ETFA: variants seen among roughly 807,000 people sequenced by gnomAD.
ETFA encodes electron transfer flavoprotein subunit alpha, mitochondrial.
A neutral mutation model predicts 46.2 loss-of-function variants in ETFA; 22 were observed. That is an observed-to-expected ratio of 0.48 (90% CI 0.34 to 0.68). The LOEUF (loss-of-function observed/expected upper bound fraction) is 0.68, where lower values mean the gene tolerates loss of function less well. Among genes scored for constraint, ETFA ranks in the 30% least tolerant of loss-of-function variants. The pLI is 0.01. For missense variants in ETFA, 345 were observed against 401.1 expected (o/e 0.86, Z 1.19); for synonymous variants, 131 against 139.9 (o/e 0.94, Z 0.45).
intron 9 of ETFA, among the ~76,000 whole-genome samples, chr15:76,233,131 T>C (rs2039086167): frequency 6.6e-6 from 1 of 152,122 alleles, no homozygotes; most frequent in Non-Finnish European, 1.5e-5. Context: ...GCAGAAAGTA[T>C]GGATGAGGAT....
At chr15:76,234,162 T>C (rs894421738) in intron 9 of ETFA, among the ~76,000 whole-genome samples, 2 of 152,138 alleles carry the variant, frequency 1.3e-5, no homozygotes, top group Non-Finnish European at 2.9e-5. Flanking sequence ...TATTTTACTG[T>C]CTTGCAAACA....
intron 9 of ETFA, among the ~76,000 whole-genome samples, chr15:76,262,845 A>T (rs2039430600): frequency 6.6e-6 from 1 of 152,214 alleles, no homozygotes; most frequent in Non-Finnish European, 1.5e-5. Context: ...AACAAAAAAC[A>T]TACAAAGGAA....
intron 10 of ETFA, chr15:76,227,570 T>C (rs2039017310): frequency 4.5e-6 from 1 of 223,924 alleles, no homozygotes; most frequent in African/African-American, 2.4e-5. Context: ...TAATATCAGA[T>C]AGTTTATCAG....
At chr15:76,272,455 C>G (rs2039546578) in intron 9 of ETFA, among the ~76,000 whole-genome samples, 1 of 152,054 alleles carries the variant, frequency 6.6e-6, no homozygotes, top group Non-Finnish European at 1.5e-5. Flanking sequence ...CTCCTGACCT[C>G]GTGATCCAAC....
At position 76,295,936 on chromosome 15, in the gene ETFA, C is replaced by CCTTTTTTTTTTTTTTT. The variant is rs2039816100; in HGVS notation, c.40-200_40-199insAAAAAAAAAAAAAAAG. On this transcript the variant is annotated intron_variant, in intron 1 of 11. Transcript: ENST00000557943. ...TGTCTATCACTGTACCACTAATATTCTTTTTTTTTTTTTTTTTTTTTTTGA... is the reference window on the plus strand; with the variant it reads ...TGTCTATCACTGTACCACTAATATTCCTTTTTTTTTTTTTTTTTTTTTTTTTTTTTTTTTTTTTTGA... Among the ~76,000 whole-genome samples the CCTTTTTTTTTTTTTTT allele has an allele frequency of 1.2e-3, 56 of 46,602 alleles. 1 individual carries two copies. The highest frequency in any genetic ancestry group is 3.6e-3 in the African/African-American group (53 of 14,850). The allele number at this position is 46,602 out of a possible 152,430, so 30.6% of individuals were successfully genotyped here.
chr15:76,280,281 T>A (rs1354790320), intron 8 of ETFA, among the ~76,000 whole-genome samples: 1 of 152,186 alleles, frequency 6.6e-6, no homozygotes. Flanking sequence ...ACTGAACTCC[T>A]GATCTCTCCC....
intron 1 of ETFA, among the ~76,000 whole-genome samples, chr15:76,303,955 T>C (rs1201514255): frequency 6.6e-6 from 1 of 152,252 alleles, no homozygotes; most frequent in Non-Finnish European, 1.5e-5. Flanking sequence ...CAAAGGAATA[T>C]GAACCATTCT....
Position 76,295,694 on chromosome 15 carries a change from T to G in ETFA, c.83A>C (p.His28Pro), listed in dbSNP as rs2039810953. ...RFQSTLVIAE[H>P]ANDSLAPITL... ...AATGGGTGCTAGGGAATCATTTGCA[T>G]GCTCAGCTATTACCAGGGTACTCTG... The change falls in exon 2 of 12, where the codon CAT becomes CCT. Residue 28 changes from histidine (H) to proline (P), a missense_variant. His to Pro is a moderately conservative substitution (Grantham distance 77). Coordinates refer to ENST00000557943, the MANE Select transcript of ETFA (RefSeq NM_000126.4). 6.2e-7 allele frequency: 1 copy of G among 1,612,542 alleles called. No individual in the cohort carries two copies. The highest frequency in any genetic ancestry group is 1.1e-5 in the South Asian group (1 of 91,028).
intron 9 of ETFA, among the ~76,000 whole-genome samples, chr15:76,251,180 T>C (rs2039294276): frequency 6.6e-6 from 1 of 152,038 alleles, no homozygotes; most frequent in Admixed American, 6.6e-5. Flanking sequence ...AAGGGGCCAA[T>C]AGAGGAGAGA....
rs144341585 is a variant in ETFA, at chr15:76,231,483, T to A, written c.817-85A>T. The A allele has an allele frequency of 1.5e-3, 1,239 of 818,406 alleles. 11 individuals are homozygous for A. The African/African-American group carries it at 0.017, about 11-fold the overall frequency. 50.7% of individuals were successfully genotyped at this position (818,406 alleles called of 1,614,324 possible). A position where few individuals can be genotyped will look rare whatever the true frequency, so the allele number is the denominator to read the frequency against. On this transcript the variant is annotated intron_variant, in intron 9 of 11. Coordinates refer to ENST00000557943, the MANE Select transcript of ETFA (RefSeq NM_000126.4). ...TGTTTGCTGTTAGCAATTTAAGTCT[T>A]AGGCAAAAGATATGTTAAATAAAAT...
intron 9 of ETFA, among the ~76,000 whole-genome samples, chr15:76,257,464 T>G (rs1265239579): frequency 1.3e-5 from 2 of 151,950 alleles, no homozygotes; most frequent in Non-Finnish European, 2.9e-5. Flanking sequence ...AAAACCACAA[T>G]GAGATACCAC....
Position 76,240,784 on chromosome 15 carries a change from C to T in ETFA, c.817-9386G>A, listed in dbSNP as rs536467256. On this transcript the variant is annotated intron_variant, in intron 9 of 11. Transcript: ENST00000557943. ...AACTTCAGCTGTGCTCAGTGGCTCA[C>T]GTCTATAATCCCAACTACTTGGGAA... Among the ~76,000 whole-genome samples the T allele has an allele frequency of 3.3e-5, 5 of 151,812 alleles. No homozygotes were observed. The South Asian group carries it at 1.0e-3, about 32-fold the overall frequency.
chr15:76,260,362 T>C (rs1047540166), intron 9 of ETFA: 4 of 1,453,444 alleles, frequency 2.8e-6, no homozygotes, highest in African/African-American at 1.4e-5. Context: ...TGAAGCAAGA[T>C]GAGGGCCAGG....
At chr15:76,270,892 G>A (rs941732547) in intron 9 of ETFA, among the ~76,000 whole-genome samples, 14 of 152,042 alleles carry the variant, frequency 9.2e-5, no homozygotes, top group African/African-American at 2.7e-4. Context: ...TTTATTGGCC[G>A]GGCATAGTGG....
Position 76,311,400 on chromosome 15 carries a change from C to T in ETFA, c.-12G>A. Reference sequence around the variant, plus strand: ...GCCGCTCGGAACATGGTCTCCGCTTCCGCCGCAACCTCGGCCTTACAGCAG... The same window carrying T: ...GCCGCTCGGAACATGGTCTCCGCTTTCGCCGCAACCTCGGCCTTACAGCAG... On this transcript the variant is annotated 5_prime_UTR_variant, in exon 1 of 12. Transcript: ENST00000557943. 6.4e-7 allele frequency: 1 copy of T among 1,558,358 alleles called. No homozygotes were observed. Among genetic ancestry groups the T allele is most frequent in the East Asian group, 2.4e-5 (1 of 41,900 alleles).
chr15:76,279,275 C>G (rs2039624735), intron 8 of ETFA, among the ~76,000 whole-genome samples: 1 of 152,194 alleles, frequency 6.6e-6, no homozygotes, highest in East Asian at 1.9e-4. Context: ...CTACCTATGC[C>G]TTTTATTATT....
intron 1 of ETFA, among the ~76,000 whole-genome samples, chr15:76,308,948 G>A (rs190978933): frequency 8.5e-5 from 13 of 152,360 alleles, no homozygotes; most frequent in Admixed American, 8.5e-4. Context: ...GTGTCAAACT[G>A]CTAACATGCT....
intron 1 of ETFA, among the ~76,000 whole-genome samples, chr15:76,301,354 C>A (rs1336867299): frequency 6.6e-6 from 1 of 152,186 alleles, no homozygotes; most frequent in African/African-American, 2.4e-5. Context: ...ACCACTATAA[C>A]CCTAGACTCC....
intron 1 of ETFA, among the ~76,000 whole-genome samples, chr15:76,309,290 A>G (rs1567223753): frequency 6.6e-6 from 1 of 152,214 alleles, no homozygotes; most frequent in Non-Finnish European, 1.5e-5. Context: ...CTCTACTAAA[A>G]ATACAAAAAA....
Sources: allele counts gnomAD v4.1 joint callset (sites outside exome capture counted in the v4.1 genomes callset), GRCh38; gene constraint gnomAD v4.1.1; transcripts MANE v1.5; gene names NCBI Gene and HGNC (gene_info 2026-07-23, HGNC 2026-07-21).